KLF12: variants seen among roughly 807,000 people sequenced by gnomAD.
KLF12 encodes the protein Krueppel-like factor 12.
KLF12 carries 9 observed loss-of-function variants against 37.8 expected under a neutral mutation model. The observed-to-expected ratio is 0.24, with a 90% CI of 0.14 to 0.42. The LOEUF is 0.42. Among genes scored for constraint, KLF12 ranks in the 10% least tolerant of loss-of-function variants. The pLI is 1.00. For synonymous variants in KLF12, 208 were observed against 202.1 expected, an observed-to-expected ratio of 1.03 and a Z score of -0.25; for missense variants, 411 against 516.0, an observed-to-expected ratio of 0.80 and a Z score of 1.97.
At chr13:73,982,672 A>G (rs1452749151) in intron 2 of KLF12, among the ~76,000 whole-genome samples, 1 of 152,218 alleles carries the variant, frequency 6.6e-6, no homozygotes, top group African/African-American at 2.4e-5. Context: ...ATTTGTTACT[A>G]TATTTAGCAA....
chr13:74,189,206 G>A, the KLF12 span, among the ~76,000 whole-genome samples: 1 of 152,104 alleles, frequency 6.6e-6, no homozygotes, highest in Non-Finnish European at 1.5e-5. Flanking sequence ...AAAAATGTTT[G>A]CTAACCTTCT....
At chr13:73,930,918 C>CA (rs1286313313) in intron 3 of KLF12, among the ~76,000 whole-genome samples, 8 of 131,856 alleles carry the variant, frequency 6.1e-5, no homozygotes, top group Non-Finnish European at 1.2e-4. Context: ...GGCTGGAGTG[C>CA]AATGGCGCGA....
At chr13:74,177,839 AT>A in the KLF12 span, among the ~76,000 whole-genome samples, 1 of 152,184 alleles carries the variant, frequency 6.6e-6, no homozygotes, top group African/African-American at 2.4e-5. Context: ...TAGGTAATTC[AT>A]TTTGGTCTTT....
chr13:74,162,060 G>A, the KLF12 span, among the ~76,000 whole-genome samples: 1 of 152,020 alleles, frequency 6.6e-6, no homozygotes, highest in Admixed American at 6.6e-5. Context: ...AAATTCCATG[G>A]TGGAATGGAA....
At chr13:74,128,355 G>C (rs1455467276) in intron 1 of KLF12, among the ~76,000 whole-genome samples, 1 of 152,036 alleles carries the variant, frequency 6.6e-6, no homozygotes, top group African/African-American at 2.4e-5. Flanking sequence ...CCTTTCAGGG[G>C]AGGGCAGTGT....
At chr13:73,996,308 T>C (rs1340850633) in intron 1 of KLF12, among the ~76,000 whole-genome samples, 1 of 152,232 alleles carries the variant, frequency 6.6e-6, no homozygotes, top group Non-Finnish European at 1.5e-5. Context: ...ATTCCTCTAT[T>C]TAACATGATT....
the KLF12 span, among the ~76,000 whole-genome samples, chr13:74,237,341 G>A: frequency 9.0e-5 from 13 of 144,392 alleles, no homozygotes; most frequent in Admixed American, 1.3e-4. Flanking sequence ...TTTGGTTACC[G>A]TAGCCTTGTA....
At chr13:74,237,975 T>A in the KLF12 span, among the ~76,000 whole-genome samples, 6 of 150,986 alleles carry the variant, frequency 4.0e-5, no homozygotes, top group East Asian at 1.2e-3. Context: ...TCCAACACTA[T>A]GTTGAATAGG....
chr13:74,081,458 A>G (rs752137671), intron 1 of KLF12, among the ~76,000 whole-genome samples: 29 of 152,086 alleles, frequency 1.9e-4, no homozygotes, highest in Non-Finnish European at 1.8e-4. Flanking sequence ...TCTACTCCTA[A>G]TTTACCTCAA....
At chr13:73,716,404 T>A (rs145122446) in intron 6 of KLF12, among the ~76,000 whole-genome samples, 12 of 152,354 alleles carry the variant, frequency 7.9e-5, no homozygotes, top group African/African-American at 2.6e-4. Context: ...ATATTTCTAC[T>A]CTACAAAATG....
intron 1 of KLF12, among the ~76,000 whole-genome samples, chr13:74,130,645 CAA>C (rs5804718): frequency 2.2e-3 from 290 of 131,352 alleles, no homozygotes; most frequent in Middle Eastern, 7.5e-3. Context: ...GACCTCAACT[CAA>C]AAAAAAAAAA....
At chr13:74,036,004 T>A (rs1398341214) in intron 1 of KLF12, among the ~76,000 whole-genome samples, 2 of 152,164 alleles carry the variant, frequency 1.3e-5, no homozygotes, top group Non-Finnish European at 2.9e-5. Flanking sequence ...ACCCAGGATG[T>A]CTGACCGGTC....
rs148309534 is a variant in KLF12 at position 73,687,709 on chromosome 13, T to C, written c.*7781A>G. 11 of 152,312 alleles carry C rather than the reference T, an allele frequency of 7.2e-5. No homozygotes were observed. The highest frequency in any genetic ancestry group is 1.3e-4 in the Non-Finnish European group (9 of 68,028). The allele number at this position is 152,312 out of a possible 1,614,324, so 9.4% of individuals were successfully genotyped here. On this transcript the variant is annotated 3_prime_UTR_variant, in exon 8 of 8. Transcript: ENST00000377669. Reference sequence around the variant, plus strand: ...CAAATTCTATCCTCCTATTAACCCTTACTTCTCAACAAAAATGAATCTCTG... The same window carrying C: ...CAAATTCTATCCTCCTATTAACCCTCACTTCTCAACAAAAATGAATCTCTG...
chr13:73,878,854 C>G (rs533135255), intron 3 of KLF12, among the ~76,000 whole-genome samples: 4 of 151,852 alleles, frequency 2.6e-5, no homozygotes, highest in Admixed American at 2.0e-4. Flanking sequence ...CCCTGGGAGG[C>G]CAGGGGAGGT....
chr13:74,276,484 T>C, the KLF12 span, among the ~76,000 whole-genome samples: 1 of 152,176 alleles, frequency 6.6e-6, no homozygotes, highest in Non-Finnish European at 1.5e-5. Flanking sequence ...TACTATACCA[T>C]CTTCCAGTAA....
chr13:73,971,934 T>C (rs1323089243), intron 2 of KLF12, among the ~76,000 whole-genome samples: 1 of 152,206 alleles, frequency 6.6e-6, no homozygotes, highest in African/African-American at 2.4e-5. Flanking sequence ...GGGCTTTAAA[T>C]AGTATTGTTT....
chr13:74,156,405 GCT>G, the KLF12 span, among the ~76,000 whole-genome samples: 1 of 152,002 alleles, frequency 6.6e-6, no homozygotes, highest in African/African-American at 2.4e-5. Flanking sequence ...TAAAATGTAG[GCT>G]CTGAGTCAAC....
At chr13:73,922,636 C>T (rs771756814) in intron 3 of KLF12, among the ~76,000 whole-genome samples, 1 of 152,138 alleles carries the variant, frequency 6.6e-6, no homozygotes, top group Non-Finnish European at 1.5e-5. Context: ...ATTCTCTGTA[C>T]ACTGTATCCC....
At chr13:74,234,050 C>G in the KLF12 span, among the ~76,000 whole-genome samples, 1 of 152,016 alleles carries the variant, frequency 6.6e-6, no homozygotes, top group Non-Finnish European at 1.5e-5. Context: ...ACCAATATAC[C>G]ACAGTATTGC....
Sources: gnomAD v4.1 joint callset for allele counts (sites outside exome capture counted in the v4.1 genomes callset) on GRCh38, gnomAD v4.1.1 for gene constraint, MANE v1.5 for transcripts, NCBI Gene and HGNC (gene_info 2026-07-23, HGNC 2026-07-21) for gene names.